ABTB3: variants seen among roughly 807,000 people sequenced by gnomAD.
The protein encoded by ABTB3 is ankyrin repeat and BTB domain containing 3, also known as ankyrin repeat- and BTB/POZ domain-containing protein 3.
chr12:107,331,892 C>G, the ABTB3 span, among the ~76,000 whole-genome samples: 19 of 152,326 alleles, frequency 1.2e-4, no homozygotes, highest in South Asian at 2.1e-4. Context: ...GCCTCCCCCC[C>G]GCCCCACCTC....
At chr12:107,635,062 C>T in the ABTB3 span, 1 of 387,742 alleles carries the variant, frequency 2.6e-6, no homozygotes, top group South Asian at 1.0e-4. Flanking sequence ...ATTTCTTAAG[C>T]TTCACCAGTG....
At chr12:107,414,446 C>T in the ABTB3 span, among the ~76,000 whole-genome samples, 1 of 152,118 alleles carries the variant, frequency 6.6e-6, no homozygotes, top group South Asian at 2.1e-4. Flanking sequence ...TTTTTACCCC[C>T]ACCCAAAAAA....
the ABTB3 span, among the ~76,000 whole-genome samples, chr12:107,648,397 C>CACACACACACACACAA: frequency 2.3e-4 from 33 of 145,080 alleles, 1 homozygote; most frequent in African/African-American, 9.1e-4. Flanking sequence ...CACACACACA[C>CACACACACACACACAA]ACACACACAC....
the ABTB3 span, among the ~76,000 whole-genome samples, chr12:107,435,073 A>C: frequency 6.6e-6 from 1 of 152,190 alleles, no homozygotes; most frequent in African/African-American, 2.4e-5. Flanking sequence ...TGCTTAGCTG[A>C]GGTTTCTTTT....
chr12:107,335,782 T>C, the ABTB3 span, among the ~76,000 whole-genome samples: 1 of 151,674 alleles, frequency 6.6e-6, no homozygotes. Context: ...GCTAGGCGAG[T>C]GAGGTAGGGC....
the ABTB3 span, among the ~76,000 whole-genome samples, chr12:107,616,160 G>C: frequency 6.6e-6 from 1 of 152,132 alleles, no homozygotes. Flanking sequence ...AGAAGGGGTC[G>C]GTTGGTGGTC....
At chr12:107,616,642 A>T in the ABTB3 span, among the ~76,000 whole-genome samples, 1 of 152,172 alleles carries the variant, frequency 6.6e-6, no homozygotes, top group Non-Finnish European at 1.5e-5. Context: ...AACTCTTGAG[A>T]GTCTGTGGTT....
the ABTB3 span, among the ~76,000 whole-genome samples, chr12:107,490,786 AG>A: frequency 6.6e-6 from 1 of 152,192 alleles, no homozygotes; most frequent in Non-Finnish European, 1.5e-5. Flanking sequence ...TCTATAACAG[AG>A]GATCAGATGA....
chr12:107,640,526 C>T, the ABTB3 span: 1 of 623,834 alleles, frequency 1.6e-6, no homozygotes, highest in Non-Finnish European at 2.7e-6. Flanking sequence ...GTCATCTTCA[C>T]AAAATCAAGA....
the ABTB3 span, among the ~76,000 whole-genome samples, chr12:107,334,759 C>A: frequency 2.0e-5 from 3 of 152,054 alleles, no homozygotes; most frequent in Admixed American, 2.0e-4. Flanking sequence ...AAGACAGAGC[C>A]CTTCCTTGGG....
At chr12:107,383,856 G>T in the ABTB3 span, among the ~76,000 whole-genome samples, 2 of 152,236 alleles carry the variant, frequency 1.3e-5, no homozygotes, top group Non-Finnish European at 2.9e-5. Context: ...ATTGCAGACA[G>T]TTCAGATAAT....
chr12:107,355,314 T>C, the ABTB3 span, among the ~76,000 whole-genome samples: 1 of 152,166 alleles, frequency 6.6e-6, no homozygotes, highest in Non-Finnish European at 1.5e-5. Context: ...GACATGCCAT[T>C]CTTGGGAAGC....
chr12:107,551,893 CAGG>C, the ABTB3 span, among the ~76,000 whole-genome samples: 1 of 152,084 alleles, frequency 6.6e-6, no homozygotes, highest in Non-Finnish European at 1.5e-5. Flanking sequence ...GCTGGGATTA[CAGG>C]CATGCACCAC....
the ABTB3 span, among the ~76,000 whole-genome samples, chr12:107,333,534 G>A: frequency 6.6e-6 from 1 of 152,154 alleles, no homozygotes; most frequent in African/African-American, 2.4e-5. Flanking sequence ...CTTTGGACTT[G>A]TTTCCTCATC....
At chr12:107,440,656 T>A in the ABTB3 span, among the ~76,000 whole-genome samples, 1 of 151,922 alleles carries the variant, frequency 6.6e-6, no homozygotes, top group Non-Finnish European at 1.5e-5. Flanking sequence ...CCATTTCAAC[T>A]CCCCAGCTGC....
the ABTB3 span, among the ~76,000 whole-genome samples, chr12:107,498,094 G>A: frequency 1.3e-5 from 2 of 152,166 alleles, no homozygotes; most frequent in Non-Finnish European, 2.9e-5. Flanking sequence ...AGGAAGGAAC[G>A]CCAACAGCAT....
chr12:107,418,254 C>A, the ABTB3 span, among the ~76,000 whole-genome samples: 1 of 152,296 alleles, frequency 6.6e-6, no homozygotes, highest in East Asian at 1.9e-4. Context: ...TATCTTCCTC[C>A]CATGCTGGAT....
chr12:107,371,616 G>A, the ABTB3 span, among the ~76,000 whole-genome samples: 1 of 152,164 alleles, frequency 6.6e-6, no homozygotes, highest in African/African-American at 2.4e-5. Context: ...AGGTAAATAA[G>A]TGTACGCTCA....
chr12:107,409,618 C>T, the ABTB3 span, among the ~76,000 whole-genome samples: 3 of 152,204 alleles, frequency 2.0e-5, no homozygotes, highest in Non-Finnish European at 2.9e-5. Context: ...AACCAAACAC[C>T]GTATGTTCTC....
Sources: gnomAD v4.1 joint callset for allele counts (sites outside exome capture counted in the v4.1 genomes callset) on GRCh38, gnomAD v4.1.1 for gene constraint, MANE v1.5 for transcripts, NCBI Gene and HGNC (gene_info 2026-07-23, HGNC 2026-07-21) for gene names.